Variants in NDUFS6 observed in about 807,000 individuals in gnomAD.
NDUFS6 encodes the protein NADH dehydrogenase [ubiquinone] iron-sulfur protein 6, mitochondrial.
A neutral mutation model predicts 13.2 loss-of-function variants in NDUFS6; 14 were observed. That is an observed-to-expected ratio of 1.06 (90% CI 0.70 to 1.66). The LOEUF is 1.66. NDUFS6 is among the 40% of genes most tolerant of loss of function. The pLI, the probability that NDUFS6 is intolerant of heterozygous loss-of-function variation, is 0.00. For missense variants in NDUFS6, 206 were observed against 170.8 expected, an observed-to-expected ratio of 1.21 and a Z score of -1.15; for synonymous variants, 95 against 72.3, an observed-to-expected ratio of 1.31 and a Z score of -1.60.
At position 1,812,662 on chromosome 5, in the gene NDUFS6, T is replaced by A. The variant is rs981771591; in HGVS notation, c.187-1677T>A. On this transcript the variant is annotated intron_variant, in intron 2 of 3. Coordinates refer to ENST00000274137, the MANE Select transcript of NDUFS6 (RefSeq NM_004553.6). ...GTCATTTTTGAAAGAATCCAGTCCC[T>A]TCCCTTCGGTGTGAAATGGTGTTTA... 2.6e-5 allele frequency among the ~76,000 whole-genome samples: 4 copies of A among 151,268 alleles called. No homozygotes were observed. In the Admixed American group the frequency reaches 2.6e-4, roughly 10 times the overall value.
chr5:1,807,278 G>T (rs1428796321), intron 2 of NDUFS6, among the ~76,000 whole-genome samples: 2 of 152,002 alleles, frequency 1.3e-5, no homozygotes, highest in Non-Finnish European at 2.9e-5. Context: ...TGGTTGCCGG[G>T]GGCGGGGGGT....
At chr5:1,811,628 A>G (rs930579891) in intron 2 of NDUFS6, among the ~76,000 whole-genome samples, 1 of 152,188 alleles carries the variant, frequency 6.6e-6, no homozygotes, top group Admixed American at 6.5e-5. Flanking sequence ...AACCTGGGTC[A>G]TTTCCTCTGT....
chr5:1,814,881 G>T lies in NDUFS6; in HGVS notation c.309+420G>T, dbSNP rs1734283536. Among the ~76,000 whole-genome samples, 1 of 152,120 alleles carries T rather than the reference G, an allele frequency of 6.6e-6. No homozygotes were observed. Among genetic ancestry groups the T allele is most frequent in the African/African-American group, 2.4e-5 (1 of 41,406 alleles). On this transcript the variant is annotated intron_variant, in intron 3 of 3. Transcript: ENST00000274137. This position sits in a 1 kb window ranked among gnomAD's most constrained non-coding sequence, Gnocchi z 4.9. ...GGTTCCTCCTGGGGCCTCGCTCCGGGGCTTGCAGATGAGGTCTCCTCCCTG... is the reference window on the plus strand; with the variant it reads ...GGTTCCTCCTGGGGCCTCGCTCCGGTGCTTGCAGATGAGGTCTCCTCCCTG...
intron 2 of NDUFS6, among the ~76,000 whole-genome samples, chr5:1,807,144 G>GAGGTACTGCGTGAGGTACTC (rs1734138029): frequency 6.6e-6 from 1 of 152,054 alleles, no homozygotes; most frequent in Non-Finnish European, 1.5e-5. Flanking sequence ...GAGGTACTCA[G>GAGGTACTGCGTGAGGTACTC]AGGTACTGCG....
intron 2 of NDUFS6, among the ~76,000 whole-genome samples, chr5:1,805,597 G>C (rs1435828766): frequency 1.3e-5 from 2 of 152,206 alleles, no homozygotes; most frequent in Non-Finnish European, 2.9e-5. Context: ...TCCTGGAGCA[G>C]GTGGCACTCT....
At position 1,813,360 on chromosome 5, in the gene NDUFS6, C is replaced by T. The variant is rs953587127; in HGVS notation, c.187-979C>T. The stretch of plus-strand genomic sequence containing the variant: ...CTTTGAAAAATATAAAATATAGTCT[C>T]AGTCAGATTTATAAAACTTGGAAGA... On this transcript the variant is annotated intron_variant, in intron 2 of 3. Transcript: ENST00000274137. Among the ~76,000 whole-genome samples the T allele has an allele frequency of 2.0e-5, 3 of 152,226 alleles. No individual in the cohort carries two copies. In the East Asian group the frequency reaches 5.8e-4, roughly 29 times the overall value.
At chr5:1,807,088 A>T (rs1277883963) in intron 2 of NDUFS6, among the ~76,000 whole-genome samples, 2 of 101,638 alleles carry the variant, frequency 2.0e-5, no homozygotes, top group Non-Finnish European at 4.0e-5. Flanking sequence ...GGACCAGAAC[A>T]GTCGCTTCTT....
chr5:1,815,676 C>T (rs1473244742), intron 3 of NDUFS6, among the ~76,000 whole-genome samples, 175 bp from the exon 4 acceptor site: 1 of 152,184 alleles, frequency 6.6e-6, no homozygotes, highest in Non-Finnish European at 1.5e-5. Flanking sequence ...GAGCCTGAGG[C>T]CAGGGGCTTC....
rs1734304256 is a variant in NDUFS6 at position 1,815,999 on chromosome 5, T to G, written c.*83T>G. The G allele has an allele frequency of 7.0e-7, 1 of 1,432,540 alleles. No homozygotes were observed. Among genetic ancestry groups the G allele is most frequent in the African/African-American group, 1.4e-5 (1 of 71,232 alleles). The allele number at this position is 1,432,540 out of a possible 1,614,324, so 88.7% of individuals were successfully genotyped here. On this transcript the variant is annotated 3_prime_UTR_variant, in exon 4 of 4. Transcript: ENST00000274137. The stretch of plus-strand genomic sequence containing the variant: ...GAGCACGTGAAGCTCGCTGGTTCTG[T>G]GCGAAGGGTATTCCTGGTGCTGAAT...
chr5:1,812,823 C>T lies in NDUFS6; in HGVS notation c.187-1516C>T, dbSNP rs375781236. Among the ~76,000 whole-genome samples, 31 of 151,756 alleles carry T rather than the reference C, an allele frequency of 2.0e-4. 1 individual carries two copies. In the South Asian group the frequency reaches 2.7e-3, roughly 13 times the overall value. ...ATCCCAGCACTTTGGGAGGCCGAGG[C>T]GGGCGGATCACCTAAGGTCAGGAGT... On this transcript the variant is annotated intron_variant, in intron 2 of 3. Transcript: ENST00000274137.
intron 2 of NDUFS6, among the ~76,000 whole-genome samples, chr5:1,812,703 G>T (rs1381385757): frequency 6.6e-6 from 1 of 151,426 alleles, no homozygotes; most frequent in Admixed American, 6.6e-5. Context: ...CACCATGTGG[G>T]CAGCAGGGGT....
intron 1 of NDUFS6, 105 bp downstream of exon 1, chr5:1,801,654 C>T (rs1047738738): frequency 1.4e-6 from 2 of 1,469,858 alleles, no homozygotes; most frequent in South Asian, 1.3e-5. Flanking sequence ...GCGCCGGCAG[C>T]GCAGGTCGTG....
chr5:1,801,619 G>T, intron 1 of NDUFS6, 70 bp downstream of exon 1: 1 of 1,515,496 alleles, frequency 6.6e-7, no homozygotes, highest in Non-Finnish European at 8.8e-7. Context: ...CAGTGGGCTC[G>T]CCGGGCATCC....
At chr5:1,811,595 T>C (rs1486257698) in intron 2 of NDUFS6, among the ~76,000 whole-genome samples, 2 of 152,214 alleles carry the variant, frequency 1.3e-5, no homozygotes, top group Non-Finnish European at 1.5e-5. Flanking sequence ...CTCTTTCTCA[T>C]TGGAGAATTT....
Position 1,802,333 on chromosome 5 carries a change from A to G in NDUFS6, c.145A>G (p.Lys49Glu), listed in dbSNP as rs771379172. Residue 49 changes from lysine (K) to glutamate (E), a missense_variant, in exon 2 of 4, where the codon AAA becomes GAA. Coordinates refer to ENST00000274137, the MANE Select transcript of NDUFS6 (RefSeq NM_004553.6). ...TGTTTTTTTCCAGGTTTATGATGAT[A>G]AAGACTACAGGAGAATTCGGTTTGT... ...VTHTGQVYDD[K>E]DYRRIRFVGR... The G allele has an allele frequency of 1.2e-6, 2 of 1,614,102 alleles. No individual in the cohort carries two copies. Among genetic ancestry groups the G allele is most frequent in the Non-Finnish European group, 1.7e-6 (2 of 1,179,982 alleles).
At chr5:1,807,338 G>A (rs1270884572) in intron 2 of NDUFS6, among the ~76,000 whole-genome samples, 1 of 152,188 alleles carries the variant, frequency 6.6e-6, no homozygotes, top group African/African-American at 2.4e-5. Flanking sequence ...TTACGAAGGT[G>A]GAAGGTTCTG....
In NDUFS6 at chr5:1,814,817, G is replaced by T; in HGVS notation, c.309+356G>T. On this transcript the variant is annotated intron_variant, in intron 3 of 3. Coordinates refer to ENST00000274137, the MANE Select transcript of NDUFS6 (RefSeq NM_004553.6). This position sits in a 1 kb window ranked among gnomAD's most constrained non-coding sequence, Gnocchi z 4.9. ...AAACAACAAACACATTTCCCACAGC[G>T]CTGGAGGCTGCAGCCCAAGACCACC... is the stretch of plus-strand genomic sequence containing the variant. The T allele has an allele frequency of 1.6e-6, 1 of 638,348 alleles. No individual in the cohort carries two copies. Among genetic ancestry groups the T allele is most frequent in the Non-Finnish European group, 2.8e-6 (1 of 354,912 alleles). The allele number at this position is 638,348 out of a possible 1,614,324, so 39.5% of individuals were successfully genotyped here.
At position 1,801,537 on chromosome 5, in the gene NDUFS6, G is replaced by A. The variant is rs1190561981; in HGVS notation, c.120G>A (p.Thr40=). 1.3e-6 allele frequency: 2 copies of A among 1,589,926 alleles called. No homozygotes were observed. Among genetic ancestry groups the A allele is most frequent in the Non-Finnish European group, 1.7e-6 (2 of 1,175,118 alleles). Residue 40 remains threonine (T), a synonymous_variant, in exon 1 of 4, where the codon ACG becomes ACA. Transcript: ENST00000274137. ...VRVSPTGEKV[T]HTGQVYDDKD... is the part of the protein sequence containing the mutation. Reference sequence around the variant, plus strand: ...TCTCGCCGACCGGGGAGAAGGTCACGCACACTGGCCAGGTAACGGCCGCTG... The same window carrying A: ...TCTCGCCGACCGGGGAGAAGGTCACACACACTGGCCAGGTAACGGCCGCTG...
chr5:1,815,894 A>C lies in NDUFS6; in HGVS notation c.353A>C (p.Gln118Pro), dbSNP rs748728259. 37 of 1,614,256 alleles carry C rather than the reference A, an allele frequency of 2.3e-5. No individual in the cohort carries two copies. The highest frequency in any genetic ancestry group is 3.1e-5 in the Non-Finnish European group (37 of 1,180,046). The change falls in exon 4 of 4, where the codon CAG becomes CCG. Residue 118 changes from glutamine to proline, a missense_variant. Gln to Pro is a moderately conservative substitution (Grantham distance 76). Coordinates refer to ENST00000274137, the MANE Select transcript of NDUFS6 (RefSeq NM_004553.6). The stretch of plus-strand genomic sequence containing the variant: ...GGCACATGCGGTTACTGTGGGCTCC[A>C]GTTCAGACAGCACCACCACTAGAGC... ...KTGTCGYCGL[Q>P]FRQHHH
Sources: allele counts gnomAD v4.1 joint callset (sites outside exome capture counted in the v4.1 genomes callset), GRCh38; gene constraint gnomAD v4.1.1; non-coding constraint Gnocchi (gnomAD v3.1); transcripts MANE v1.5; gene names NCBI Gene and HGNC (gene_info 2026-07-23, HGNC 2026-07-21).